The following MYOF variants were observed in gnomAD, a reference collection of about 807,000 sequenced individuals.
MYOF encodes the protein fer-1-like 3, myoferlin.
Under a neutral mutation model 284.2 loss-of-function variants are expected in MYOF, and 244 were observed. The observed-to-expected ratio is 0.86, with a 90% CI of 0.77 to 0.95. MYOF has a LOEUF of 0.95. Ranked by LOEUF, MYOF falls within the 40% of genes least tolerant of loss-of-function variation. The probability of loss-of-function intolerance (pLI) is 0.00; values close to 1 mark genes in which losing one functional copy is unlikely to be tolerated. For synonymous variants in MYOF, 904 were observed against 919.7 expected, an observed-to-expected ratio of 0.98 and a Z score of 0.31; for missense variants, 2,496 against 2,560.6, an observed-to-expected ratio of 0.97 and a Z score of 0.54.
chr10:93,351,873 G>A (rs774207655), intron 32 of MYOF, 27 bp from the exon 33 acceptor site: 6 of 1,562,332 alleles, frequency 3.8e-6, no homozygotes, highest in Non-Finnish European at 5.1e-6. Flanking sequence ...GAATAACAAC[G>A]GGGCCACGGC....
chr10:93,360,101 T>C, intron 28 of MYOF, 123 bp from the exon 29 acceptor site: 1 of 1,185,742 alleles, frequency 8.4e-7, no homozygotes, highest in Non-Finnish European at 1.2e-6. Context: ...CATGACCGAA[T>C]ATGTGGCTGT....
chr10:93,313,577 G>A (rs1211087726), intron 50 of MYOF, among the ~76,000 whole-genome samples: 3 of 152,122 alleles, frequency 2.0e-5, no homozygotes, highest in Admixed American at 2.0e-4. Context: ...GAGGTCATTT[G>A]GCTTTGGGTA....
At chr10:93,442,738 T>C (rs1286286529) in intron 3 of MYOF, among the ~76,000 whole-genome samples, 2 of 152,250 alleles carry the variant, frequency 1.3e-5, no homozygotes, top group Non-Finnish European at 2.9e-5. Context: ...CAGATAATTA[T>C]GGTCACTTTA....
intron 28 of MYOF, 88 bp from the exon 29 acceptor site, chr10:93,360,066 C>T: frequency 7.3e-6 from 11 of 1,497,842 alleles, no homozygotes; most frequent in Non-Finnish European, 8.3e-6. Flanking sequence ...GTTCACTCTC[C>T]CTGCCCTCAG....
intron 18 of MYOF, 43 bp downstream of exon 18, chr10:93,388,987 T>C: frequency 2.5e-6 from 4 of 1,599,102 alleles, no homozygotes; most frequent in Admixed American, 1.7e-5. Context: ...AATAATCACC[T>C]TAACCAATGC....
intron 50 of MYOF, among the ~76,000 whole-genome samples, chr10:93,313,973 C>T (rs1045405846): frequency 6.6e-6 from 1 of 152,122 alleles, no homozygotes; most frequent in African/African-American, 2.4e-5. Flanking sequence ...CCTAGTAAAA[C>T]CTCAGAAACA....
intron 5 of MYOF, chr10:93,425,773 C>A: frequency 2.4e-6 from 1 of 421,000 alleles, no homozygotes; most frequent in Non-Finnish European, 4.4e-6. Flanking sequence ...GGGTGGAAGC[C>A]ACAAACCTGA....
In MYOF at chr10:93,409,745, A is replaced by G. The variant is rs201956272; in HGVS notation, c.434-6T>C. 1.0e-4 allele frequency: 164 copies of G among 1,614,056 alleles called. 1 individual carries two copies. In the African/African-American group the frequency reaches 2.0e-3, roughly 20 times the overall value. ...TTCATCTTCTTCCCCATCTCCTAAA[A>G]TATCAGAAAGAAACCCAGTGAGGGA... On this transcript the variant is annotated splice_region_variant and splice_polypyrimidine_tract_variant and intron_variant, in intron 5 of 53. Transcript: ENST00000359263.
intron 40 of MYOF, among the ~76,000 whole-genome samples, chr10:93,337,002 G>A (rs1023090765): frequency 1.4e-4 from 21 of 151,732 alleles, no homozygotes; most frequent in Non-Finnish European, 2.1e-4. Context: ...GGAAGAGGGA[G>A]TGAGGGAGGA....
chr10:93,361,695 C>T, intron 27 of MYOF, 138 bp from the exon 28 acceptor site: 1 of 695,892 alleles, frequency 1.4e-6, no homozygotes, highest in Non-Finnish European at 2.3e-6. Context: ...CCATTTCACT[C>T]AGAAAAATCT....
In MYOF at chr10:93,340,124, A is replaced by T. The variant is rs766974225; in HGVS notation, c.4338+29T>A. On this transcript the variant is annotated intron_variant, in intron 39 of 53. Transcript: ENST00000359263. Reference sequence around the variant, plus strand: ...TCTGGGCAGAAAATACATGAATCTTAAATGTAGCAAAATGTATACCATAGT... The same window carrying T: ...TCTGGGCAGAAAATACATGAATCTTTAATGTAGCAAAATGTATACCATAGT... The T allele has an allele frequency of 2.2e-5, 36 of 1,612,460 alleles. 1 individual carries two copies. The highest frequency in any genetic ancestry group is 2.9e-5 in the Non-Finnish European group (34 of 1,179,176).
chr10:93,426,085 A>G lies in MYOF; in HGVS notation c.419T>C (p.Val140Ala), dbSNP rs775863239. 2.6e-6 allele frequency: 4 copies of G among 1,556,626 alleles called. No individual in the cohort carries two copies. The highest frequency in any genetic ancestry group is 3.5e-6 in the Non-Finnish European group (4 of 1,149,642). Residue 140 changes from valine to alanine, a missense_variant, in exon 5 of 54, where the codon GTG (valine) becomes GCG (alanine). Transcript: ENST00000359263. ...GGTCAGCTTACCTCCCATGCCTGGC[A>G]CGCTGGGCCCGCTCAGGTCATTTGG... ...PHPNDLSGPS[V>A]PGMGGDGEED...
Position 93,325,826 on chromosome 10 carries a change from C to G in MYOF, c.5271G>C (p.Gln1757His). 6.2e-7 allele frequency: 1 copy of G among 1,611,402 alleles called. No homozygotes were observed. The highest frequency in any genetic ancestry group is 8.5e-7 in the Non-Finnish European group (1 of 1,179,016). ...LHSTFQPNISQGKLQMWVDVF... is the reference protein window; with the variant it reads ...LHSTFQPNISHGKLQMWVDVF... Reference sequence around the variant, plus strand: ...CTTCAAGGGAGGGAAGGCCCTTTACCTGGGAAATGTTGGGCTGGAAGGTGC... The same window carrying G: ...CTTCAAGGGAGGGAAGGCCCTTTACGTGGGAAATGTTGGGCTGGAAGGTGC... Residue 1757 changes from glutamine (Q) to histidine (H), a missense_variant and splice_region_variant, in exon 46 of 54, where the codon CAG (glutamine) becomes CAC (histidine). Around this residue, in one of 3 missense-constraint regions of MYOF, gnomAD observed 2,436 missense variants for 2,480.7 expected, o/e 0.98. Transcript: ENST00000359263.
chr10:93,441,853 G>A (rs112435048), intron 3 of MYOF, among the ~76,000 whole-genome samples: 7,099 of 152,030 alleles, frequency 0.047, 225 homozygotes, highest in Non-Finnish European at 0.07. Flanking sequence ...GTGAGTCACC[G>A]TGCCCGGCCG....
intron 4 of MYOF, among the ~76,000 whole-genome samples, chr10:93,430,581 C>CA (rs747001393): frequency 0.075 from 6,445 of 85,776 alleles, 264 homozygotes; most frequent in Non-Finnish European, 0.11. Context: ...GACTCCATCT[C>CA]AAAAAAAAAA....
intron 5 of MYOF, chr10:93,425,600 C>T (rs554718658): frequency 9.4e-5 from 15 of 159,576 alleles, no homozygotes; most frequent in Middle Eastern, 3.0e-3. Context: ...AAGATGGGGC[C>T]GGGGTTAGGG....
At position 93,451,554 on chromosome 10, in the gene MYOF, G is replaced by A. The variant is rs182135303; in HGVS notation, c.236+496C>T. 3.9e-3 allele frequency among the ~76,000 whole-genome samples: 586 copies of A among 152,168 alleles called. 4 individuals are homozygous for A. Among genetic ancestry groups the A allele is most frequent in the Non-Finnish European group, 6.6e-3 (452 of 68,000 alleles). The stretch of plus-strand genomic sequence containing the variant: ...CACCGTGACCCTTCCCCATGTGAAA[G>A]GAAAGAGGCAGTAAGGCAAGGATTA... On this transcript the variant is annotated intron_variant, in intron 3 of 53. Coordinates refer to ENST00000359263, the MANE Select transcript of MYOF (RefSeq NM_013451.4).
At chr10:93,357,834 TCTAA>T (rs1844880436) in intron 29 of MYOF, among the ~76,000 whole-genome samples, 1 of 152,192 alleles carries the variant, frequency 6.6e-6, no homozygotes, top group African/African-American at 2.4e-5. Context: ...TCCTGAGCCT[TCTAA>T]CTGATGGCTC....
intron 45 of MYOF, among the ~76,000 whole-genome samples, 161 bp downstream of exon 45, chr10:93,328,602 C>G (rs1408959395): frequency 6.6e-6 from 1 of 152,214 alleles, no homozygotes; most frequent in East Asian, 1.9e-4. Context: ...TGACACTTGA[C>G]AAGACAGCAG....
Sources: gnomAD v4.1 joint callset for allele counts (sites outside exome capture counted in the v4.1 genomes callset) on GRCh38, gnomAD v4.1.1 for gene constraint, gnomAD v4.1.1 regional missense constraint, MANE v1.5 for transcripts, NCBI Gene and HGNC (gene_info 2026-07-23, HGNC 2026-07-21) for gene names.